Variants in CRPPA observed in about 807,000 individuals in gnomAD.
CRPPA encodes the protein CDP-L-ribitol pyrophosphorylase A, also known as D-ribitol-5-phosphate cytidylyltransferase.
In CRPPA, 43 loss-of-function variants were observed where a neutral mutation model predicts 52.0. The ratio of observed to expected loss-of-function variants is 0.83; its 90% CI spans 0.65 to 1.07. The LOEUF (loss-of-function observed/expected upper bound fraction) is 1.07, where lower values mean the gene tolerates loss of function less well. Ranked by LOEUF, CRPPA falls within the 50% of genes least tolerant of loss-of-function variation. The probability of loss-of-function intolerance (pLI) is 0.00; values close to 1 mark genes in which losing one functional copy is unlikely to be tolerated. For missense variants in CRPPA, 629 were observed against 551.7 expected, an observed-to-expected ratio of 1.14 and a Z score of -1.40; for synonymous variants, 250 against 203.5, an observed-to-expected ratio of 1.23 and a Z score of -1.94.
intron 9 of CRPPA, among the ~76,000 whole-genome samples, chr7:16,131,942 G>A (rs536129048): frequency 3.5e-4 from 54 of 152,246 alleles, no homozygotes; most frequent in African/African-American, 1.2e-3. Flanking sequence ...GGAGAGTCAC[G>A]GTATAGGACC....
chr7:16,366,050 G>C (rs1786581095), intron 3 of CRPPA, among the ~76,000 whole-genome samples: 1 of 152,160 alleles, frequency 6.6e-6, no homozygotes, highest in South Asian at 2.1e-4. Context: ...CGAGAGGCTG[G>C]GAAGTCCAAG....
At chr7:16,414,640 G>A (rs1474556402) in intron 1 of CRPPA, among the ~76,000 whole-genome samples, 2 of 152,140 alleles carry the variant, frequency 1.3e-5, no homozygotes, top group African/African-American at 2.4e-5. Context: ...GTCACAAAGC[G>A]ATAGTTATCT....
chr7:16,174,136 C>T (rs573351932), intron 9 of CRPPA, among the ~76,000 whole-genome samples: 2 of 152,222 alleles, frequency 1.3e-5, no homozygotes, highest in South Asian at 4.2e-4. Context: ...AAAAAGGCCA[C>T]AAACTGTATG....
chr7:16,207,602 G>C (rs915457405), intron 9 of CRPPA, among the ~76,000 whole-genome samples: 1 of 152,152 alleles, frequency 6.6e-6, no homozygotes, highest in African/African-American at 2.4e-5. Flanking sequence ...GCTGCAAGCA[G>C]GATACACACA....
chr7:16,276,096 G>C (rs1784199083), intron 6 of CRPPA, among the ~76,000 whole-genome samples: 1 of 151,806 alleles, frequency 6.6e-6, no homozygotes, highest in East Asian at 1.9e-4. Flanking sequence ...AAACACAAAA[G>C]GTAATGACTG....
chr7:16,302,268 C>A (rs1328195976), intron 4 of CRPPA, among the ~76,000 whole-genome samples: 1 of 125,022 alleles, frequency 8.0e-6, no homozygotes, highest in East Asian at 2.7e-4. Context: ...TGCACTCCAG[C>A]CTGGGCTACA....
intron 9 of CRPPA, among the ~76,000 whole-genome samples, chr7:16,162,325 T>C (rs1780919408): frequency 6.6e-6 from 1 of 152,200 alleles, no homozygotes; most frequent in Admixed American, 6.5e-5. Context: ...GTGCTATAAA[T>C]TTCCCTCTAA....
intron 9 of CRPPA, among the ~76,000 whole-genome samples, chr7:16,115,180 G>T (rs1172113242): frequency 2.0e-5 from 3 of 152,000 alleles, no homozygotes; most frequent in South Asian, 2.1e-4. Context: ...ACTAAATTTG[G>T]AAATTAGTAT....
chr7:16,324,788 G>A (rs763075482), intron 3 of CRPPA, among the ~76,000 whole-genome samples: 14 of 152,266 alleles, frequency 9.2e-5, no homozygotes, highest in South Asian at 6.2e-4. Context: ...CCCAAAACAT[G>A]GAGTCTGCAA....
chr7:16,126,499 G>A (rs1782584336), intron 9 of CRPPA, among the ~76,000 whole-genome samples: 1 of 152,122 alleles, frequency 6.6e-6, no homozygotes, highest in Non-Finnish European at 1.5e-5. Context: ...AAGGAAGTCA[G>A]TGAATTTAAC....
chr7:16,306,755 T>C (rs1313602768), intron 4 of CRPPA, among the ~76,000 whole-genome samples: 9 of 152,120 alleles, frequency 5.9e-5, no homozygotes, highest in African/African-American at 1.9e-4. Flanking sequence ...TAACTGGTAA[T>C]TGCCAAAAAT....
intron 6 of CRPPA, among the ~76,000 whole-genome samples, chr7:16,266,731 G>A (rs558941346): frequency 2.4e-4 from 37 of 152,126 alleles, no homozygotes; most frequent in African/African-American, 8.4e-4. Context: ...CACCCGCCTC[G>A]GCCTCCTAAA....
At position 16,421,191 on chromosome 7, in the gene CRPPA, C is replaced by T; in HGVS notation, c.132G>A (p.Pro44=). ...SVAGTEPGRH[P]QAVAAVLPAG... ...CAGGCAACACAGCTGCCACGGCTTG[C>T]GGGTGGCGCCCGGGCTCGGTCCCGG... Residue 44 remains proline (P), a synonymous_variant, in exon 1 of 10, where the codon CCG becomes CCA. Transcript: ENST00000407010. 2 of 1,341,412 alleles carry T rather than the reference C, an allele frequency of 1.5e-6. No homozygotes were observed. Among genetic ancestry groups the T allele is most frequent in the South Asian group, 2.0e-5 (1 of 49,146 alleles). The allele number at this position is 1,341,412 out of a possible 1,614,324, so 83.1% of individuals were successfully genotyped here.
intron 9 of CRPPA, 41 bp downstream of exon 9, chr7:16,216,025 G>A (rs1357016531): frequency 1.4e-6 from 2 of 1,472,072 alleles, no homozygotes; most frequent in Non-Finnish European, 1.8e-6. Flanking sequence ...ATTAAAACTA[G>A]TCTACAGAAC....
chr7:16,342,225 T>C (rs1785864922), intron 3 of CRPPA, among the ~76,000 whole-genome samples: 1 of 152,214 alleles, frequency 6.6e-6, no homozygotes, highest in African/African-American at 2.4e-5. Context: ...CTTCAATTTA[T>C]TTCAACATCA....
At chr7:16,249,853 A>T (rs1200007619) in intron 8 of CRPPA, among the ~76,000 whole-genome samples, 1 of 152,208 alleles carries the variant, frequency 6.6e-6, no homozygotes, top group African/African-American at 2.4e-5. Context: ...CTCGCCAGCA[A>T]GGGAACAAAA....
intron 9 of CRPPA, among the ~76,000 whole-genome samples, chr7:16,153,864 G>A (rs1334930475): frequency 6.6e-6 from 1 of 151,818 alleles, no homozygotes; most frequent in Non-Finnish European, 1.5e-5. Flanking sequence ...CTTTAGGAAA[G>A]GCAGAATCAA....
rs145324967 is a variant in CRPPA, at chr7:16,130,406, G to T, written c.1252-38607C>A. Among the ~76,000 whole-genome samples the T allele has an allele frequency of 2.9e-3, 448 of 152,010 alleles. 3 individuals are homozygous for T. The highest frequency in any genetic ancestry group is 0.01 in the African/African-American group (430 of 41,524). On this transcript the variant is annotated intron_variant, in intron 9 of 9. Transcript: ENST00000407010. Reference sequence around the variant, plus strand: ...ATAAAAACTGAGTTTCTATAGTGAAGAAAAAGAGAATAACCCAGCAGACTG... The same window carrying T: ...ATAAAAACTGAGTTTCTATAGTGAATAAAAAGAGAATAACCCAGCAGACTG...
intron 3 of CRPPA, among the ~76,000 whole-genome samples, chr7:16,329,515 T>G (rs545219407): frequency 1.3e-5 from 2 of 152,170 alleles, no homozygotes; most frequent in South Asian, 2.1e-4. Context: ...ATCCAAAGAG[T>G]GTGCACACTC....
Sources: allele counts gnomAD v4.1 joint callset (sites outside exome capture counted in the v4.1 genomes callset), GRCh38; gene constraint gnomAD v4.1.1; transcripts MANE v1.5; gene names NCBI Gene and HGNC (gene_info 2026-07-23, HGNC 2026-07-21).